The following DENND4C variants were observed in gnomAD, a reference collection of about 807,000 sequenced individuals.
DENND4C encodes DENN domain-containing protein 4C.
DENND4C carries 108 observed loss-of-function variants against 203.0 expected under a neutral mutation model. The ratio of observed to expected loss-of-function variants is 0.53; its 90% confidence interval spans 0.46 to 0.62. DENND4C has a LOEUF of 0.62. Ranked by LOEUF, DENND4C falls within the 20% of genes least tolerant of loss-of-function variation. The pLI, the probability that DENND4C is intolerant of heterozygous loss-of-function variation, is 0.00. For synonymous variants in DENND4C, 871 were observed against 792.4 expected, an observed-to-expected ratio of 1.10 and a Z score of -1.67; for missense variants, 2,481 against 2,301.2, an observed-to-expected ratio of 1.08 and a Z score of -1.60.
At position 19,231,543 on chromosome 9, in the gene DENND4C, C is replaced by CT. The variant is rs370213019; in HGVS notation, c.-18+721dup. On this transcript the variant is annotated intron_variant, in intron 1 of 32. Transcript: ENST00000434457. ...TTCTGTTTTAAGAATGCTGTCACGTCTTTTTTTTTTTCCTCCCCTTTTCTG... is the reference window on the plus strand; with the variant it reads ...TTCTGTTTTAAGAATGCTGTCACGTCTTTTTTTTTTTTCCTCCCCTTTTCTG... Among the ~76,000 whole-genome samples the CT allele has an allele frequency of 7.3e-4, 107 of 145,622 alleles. 2 individuals are homozygous for CT. Among genetic ancestry groups the CT allele is most frequent in the Middle Eastern group, 7.2e-3 (2 of 276 alleles).
Position 19,358,454 on chromosome 9 carries a change from A to ATT in DENND4C, c.5160+295_5160+296insTT, listed in dbSNP as rs1291343761. Among the ~76,000 whole-genome samples, 33 of 152,194 alleles carry ATT rather than the reference A, an allele frequency of 2.2e-4. No individual in the cohort carries two copies. The highest frequency in any genetic ancestry group is 8.0e-4 in the African/African-American group (33 of 41,454). ...GATTATTTTGAAGCAAATTTCAAAC[A>ATT]TCACATATTCTGTTAGTAAATATTT... On this transcript the variant is annotated intron_variant, in intron 28 of 32. Coordinates refer to ENST00000434457, the MANE Select transcript of DENND4C (RefSeq NM_001330640.2). The surrounding 1 kb of genome is among the most constrained non-coding windows in gnomAD (Gnocchi z 4.8).
chr9:19,253,721 T>C (rs963387840), intron 1 of DENND4C, among the ~76,000 whole-genome samples: 1 of 152,242 alleles, frequency 6.6e-6, no homozygotes, highest in African/African-American at 2.4e-5. Context: ...GCATTTAGTT[T>C]TTTTTATCTT....
rs1563833798 is a variant in DENND4C, at chr9:19,352,534, A to G, written c.4650A>G (p.Leu1550=). 6.3e-7 allele frequency: 1 copy of G among 1,579,534 alleles called. No homozygotes were observed. Among genetic ancestry groups the G allele is most frequent in the Non-Finnish European group, 8.6e-7 (1 of 1,161,412 alleles). The change falls in exon 26 of 33, where the codon TTA becomes TTG. Residue 1550 remains leucine, a synonymous_variant. Coordinates refer to ENST00000434457, the MANE Select transcript of DENND4C (RefSeq NM_001330640.2). ...CACAGTGTAGAGCTTGTGGAGCTTT[A>G]GTTTATGATGAAGAAATTATGGCTG... ...SCSQCRACGA[L]VYDEEIMAGW... is the part of the protein sequence containing the mutation.
intron 1 of DENND4C, among the ~76,000 whole-genome samples, chr9:19,275,818 A>G (rs1588816098): frequency 6.6e-6 from 1 of 152,098 alleles, no homozygotes; most frequent in South Asian, 2.1e-4. Flanking sequence ...GGTTGGGCAC[A>G]CTGGTCGCGA....
In DENND4C at chr9:19,346,356, C is replaced by G; in HGVS notation, c.3587C>G (p.Pro1196Arg). 1 of 1,614,032 alleles carries G rather than the reference C, an allele frequency of 6.2e-7. No individual in the cohort carries two copies. Among genetic ancestry groups the G allele is most frequent in the Non-Finnish European group, 8.5e-7 (1 of 1,180,016 alleles). The stretch of plus-strand genomic sequence containing the variant: ...CTTGAGCCTGTGGTTGATGACGTAC[C>G]TAAAACTACTGCAACAGTAGATACA... ...ELLEPVVDDV[P>R]KTTATVDTYE... Residue 1196 changes from proline (P) to arginine (R), a missense_variant, in exon 23 of 33, where the codon CCT becomes CGT. Around this residue, in one of 3 missense-constraint regions of DENND4C, gnomAD observed 2,289 missense variants for 2,113.3 expected, o/e 1.08. Coordinates refer to ENST00000434457, the MANE Select transcript of DENND4C (RefSeq NM_001330640.2).
rs188088474 is a variant in DENND4C, at chr9:19,277,503, G to T, written c.305+1024G>T. 3.0e-3 allele frequency among the ~76,000 whole-genome samples: 453 copies of T among 152,168 alleles called. 3 individuals are homozygous for T. The highest frequency in any genetic ancestry group is 0.011 in the African/African-American group (438 of 41,518). ...GTGTATAGAAATAGCTGATTTTTGT[G>T]TGCTAATCTTGCACTCTGCAACTTT... On this transcript the variant is annotated intron_variant, in intron 2 of 32. Transcript: ENST00000434457.
chr9:19,237,388 A>G (rs913762725), intron 1 of DENND4C, among the ~76,000 whole-genome samples: 15 of 149,192 alleles, frequency 1.0e-4, no homozygotes, highest in East Asian at 4.1e-4. Flanking sequence ...GTCTCGCTCT[A>G]TCACCCAGGC....
chr9:19,357,884 A>G, intron 27 of DENND4C, 81 bp from the exon 28 acceptor site: 1 of 1,107,352 alleles, frequency 9.0e-7, no homozygotes, highest in Non-Finnish European at 1.3e-6. Flanking sequence ...CTCAAGGTCC[A>G]TTGTAGAAAA....
Position 19,346,604 on chromosome 9 carries a change from C to T in DENND4C, c.3835C>T (p.Arg1279Cys), listed in dbSNP as rs1313730815. The T allele has an allele frequency of 1.5e-5, 24 of 1,613,984 alleles. No individual in the cohort carries two copies. Among genetic ancestry groups the T allele is most frequent in the Non-Finnish European group, 1.9e-5 (22 of 1,180,048 alleles). The change falls in exon 23 of 33, where the codon CGT (arginine) becomes TGT (cysteine). Residue 1279 changes from arginine (R) to cysteine (C), a missense_variant. Physicochemically the swap from Arg to Cys is radical, Grantham distance 180 (BLOSUM62 -3). This residue lies in a region of DENND4C where 2,289 missense variants were observed against 2,113.3 expected (regional missense o/e 1.08). Coordinates refer to ENST00000434457, the MANE Select transcript of DENND4C (RefSeq NM_001330640.2). ...TAAGTTGTTTTCTCCAGTTATTGCA[C>T]GTAATCTGGCTGATGAAATAGAAAG... ...EDKLFSPVIA[R>C]NLADEIESYM...
In DENND4C at chr9:19,291,173, G is replaced by A. The variant is rs148672949; in HGVS notation, c.801+297G>A. Among the ~76,000 whole-genome samples the A allele has an allele frequency of 8.5e-3, 1,300 of 152,136 alleles. 2 individuals carry two copies. Among genetic ancestry groups the A allele is most frequent in the Non-Finnish European group, 0.014 (942 of 68,004 alleles). ...GGACATAGGTACCATAGAAAGAATC[G>A]ACAGACACAATTAAAAAGCAGGGTT... On this transcript the variant is annotated intron_variant, in intron 5 of 32. Coordinates refer to ENST00000434457, the MANE Select transcript of DENND4C (RefSeq NM_001330640.2).
At chr9:19,368,409 A>G (rs955472873) in intron 30 of DENND4C, among the ~76,000 whole-genome samples, 8 of 152,170 alleles carry the variant, frequency 5.3e-5, no homozygotes, top group African/African-American at 1.9e-4. Flanking sequence ...GATTACAGCC[A>G]TGAGCCACTA....
intron 12 of DENND4C, among the ~76,000 whole-genome samples, chr9:19,321,214 C>A (rs1414792802): frequency 6.6e-6 from 1 of 152,160 alleles, no homozygotes; most frequent in Non-Finnish European, 1.5e-5. Flanking sequence ...AAGCATGGAT[C>A]TACTAATTAG....
chr9:19,295,567 C>T (rs773132899), intron 5 of DENND4C, among the ~76,000 whole-genome samples: 2 of 148,604 alleles, frequency 1.3e-5, no homozygotes, highest in African/African-American at 5.0e-5. Context: ...GCCAGCTACT[C>T]GGGAGGCTGA....
chr9:19,324,269 A>G lies in DENND4C; in HGVS notation c.1808-93A>G, dbSNP rs1043417383. The G allele has an allele frequency of 3.4e-6, 3 of 888,894 alleles. No individual in the cohort carries two copies. In the African/African-American group the frequency reaches 5.1e-5, roughly 15 times the overall value. 55.1% of individuals were successfully genotyped at this position (888,894 alleles called of 1,614,324 possible). On this transcript the variant is annotated intron_variant, in intron 12 of 32. Transcript: ENST00000434457. ...TGGATATATATATGTATATATAAAGAGAATGTAATATAGATAAGTACAAGT... is the reference window on the plus strand; with the variant it reads ...TGGATATATATATGTATATATAAAGGGAATGTAATATAGATAAGTACAAGT...
rs769358068 is a variant in DENND4C, at chr9:19,346,700, G to A, written c.3931G>A (p.Glu1311Lys). ...GGAATTACACAGAGAGGAAAACAGA[G>A]AGTCTGGCATGACTACTGCATTTAT... ...SMELHREENR[E>K]SGMTTAFIHA... The change falls in exon 23 of 33, where the codon GAG becomes AAG. Residue 1311 changes from glutamate (E) to lysine (K), a missense_variant. Glu to Lys is a moderately conservative substitution (Grantham distance 56, BLOSUM62 1). Coordinates refer to ENST00000434457, the MANE Select transcript of DENND4C (RefSeq NM_001330640.2). 1.9e-6 allele frequency: 3 copies of A among 1,614,160 alleles called. No homozygotes were observed. Among genetic ancestry groups the A allele is most frequent in the Non-Finnish European group, 1.7e-6 (2 of 1,180,012 alleles).
chr9:19,244,275 C>G (rs1002890674), intron 1 of DENND4C, among the ~76,000 whole-genome samples: 2 of 152,158 alleles, frequency 1.3e-5, no homozygotes, highest in Non-Finnish European at 2.9e-5. Context: ...AGGTCATCCA[C>G]CCACCTTGGC....
At chr9:19,244,654 C>T (rs904463418) in intron 1 of DENND4C, among the ~76,000 whole-genome samples, 2 of 150,924 alleles carry the variant, frequency 1.3e-5, no homozygotes, top group African/African-American at 4.9e-5. Flanking sequence ...GCAGGAGAAT[C>T]GCTTGAACCC....
chr9:19,240,941 C>T (rs948398092), intron 1 of DENND4C, among the ~76,000 whole-genome samples: 2 of 152,052 alleles, frequency 1.3e-5, no homozygotes, highest in African/African-American at 2.4e-5. Flanking sequence ...CCAGCCTAGG[C>T]GACAGAGTGA....
At position 19,290,819 on chromosome 9, in the gene DENND4C, C is replaced by T. The variant is rs763853446; in HGVS notation, c.744C>T (p.Thr248=). The change falls in exon 5 of 33, where the codon ACC becomes ACT. Residue 248 remains threonine, a synonymous_variant. Coordinates refer to ENST00000434457, the MANE Select transcript of DENND4C (RefSeq NM_001330640.2). ...CTATTGAGTGCTGGGATCCTGAAAC[C>T]AAATATCCACTTCCAGTTTTTTCAA... ...GATIECWDPE[T]KYPLPVFSTF... is the part of the protein sequence containing the mutation. 15 of 1,613,388 alleles carry T rather than the reference C, an allele frequency of 9.3e-6. No homozygotes were observed. The highest frequency in any genetic ancestry group is 1.6e-4 in the Middle Eastern group (1 of 6,080).
Sources: gnomAD v4.1 joint callset for allele counts (sites outside exome capture counted in the v4.1 genomes callset) on GRCh38, gnomAD v4.1.1 for gene constraint, gnomAD v4.1.1 regional missense constraint, Gnocchi (gnomAD v3.1) non-coding constraint, MANE v1.5 for transcripts, NCBI Gene and HGNC (gene_info 2026-07-23, HGNC 2026-07-21) for gene names.